The following ETS1 variants were observed in gnomAD, a reference collection of about 807,000 sequenced individuals.
ETS1 encodes the protein protein C-ets-1.
Under a neutral mutation model 58.6 loss-of-function variants are expected in ETS1, and 15 were observed. That is an observed-to-expected ratio of 0.26 (90% CI 0.17 to 0.39). The LOEUF (loss-of-function observed/expected upper bound fraction) is 0.39. Among genes scored for constraint, ETS1 ranks in the 10% least tolerant of loss-of-function variants. The pLI is 1.00. For synonymous variants in ETS1, 214 were observed against 218.2 expected (o/e 0.98, Z 0.17); for missense variants, 417 against 610.5 (o/e 0.68, Z 3.34).
intron 4 of ETS1, among the ~76,000 whole-genome samples, chr11:128,489,836 C>T (rs1455993124): frequency 1.3e-5 from 2 of 152,160 alleles, no homozygotes; most frequent in Admixed American, 6.5e-5. Flanking sequence ...GAACAAATGG[C>T]TTCTTTAATA....
At chr11:128,478,075 T>G (rs1862372054) in intron 8 of ETS1, among the ~76,000 whole-genome samples, 1 of 152,134 alleles carries the variant, frequency 6.6e-6, no homozygotes, top group Non-Finnish European at 1.5e-5. Flanking sequence ...TGAGATAGTA[T>G]GAAAAGTGAA....
intron 3 of ETS1, among the ~76,000 whole-genome samples, chr11:128,512,224 C>T (rs1863410565): frequency 6.6e-6 from 1 of 152,182 alleles, no homozygotes; most frequent in Non-Finnish European, 1.5e-5. Flanking sequence ...TAATGCTTCA[C>T]TATTGGGGCG....
intron 3 of ETS1, among the ~76,000 whole-genome samples, chr11:128,500,257 A>G (rs1485043664): frequency 6.6e-6 from 1 of 152,346 alleles, no homozygotes; most frequent in Non-Finnish European, 1.5e-5. Flanking sequence ...GGAAAATTGT[A>G]AACCAGAACA....
rs762569166 is a variant in ETS1 at position 128,489,489 on chromosome 11, G to A, written c.336C>T (p.Asp112=). Reference sequence around the variant, plus strand: ...CATGGGTTTCTGTCCACTGCCGGGGGTCTGAGGAAAGAGATCAGATGAAGA... The same window carrying A: ...CATGGGTTTCTGTCCACTGCCGGGGATCTGAGGAAAGAGATCAGATGAAGA... The part of the protein sequence containing the change: ...KEQQRLGIPK[D]PRQWTETHVR... Residue 112 remains aspartate, a splice_region_variant and synonymous_variant, in exon 5 of 10, where the codon GAC becomes GAT. Transcript: ENST00000392668. 1.1e-5 allele frequency: 18 copies of A among 1,613,332 alleles called. No individual in the cohort carries two copies. The highest frequency in any genetic ancestry group is 6.6e-5 in the South Asian group (6 of 91,058).
chr11:128,499,656 C>A (rs899142063), intron 3 of ETS1, among the ~76,000 whole-genome samples: 1 of 152,194 alleles, frequency 6.6e-6, no homozygotes, highest in East Asian at 1.9e-4. Context: ...CCAACATTTT[C>A]ATTCTAGAAA....
chr11:128,469,643 C>T (rs1862131783), intron 8 of ETS1, among the ~76,000 whole-genome samples: 1 of 152,206 alleles, frequency 6.6e-6, no homozygotes, highest in Non-Finnish European at 1.5e-5. Flanking sequence ...TTCTTGGCCT[C>T]TGGACCAAGC....
At chr11:128,571,395 T>TGACAGAGCGAGACTCCGTCCGGCCTGGGC (rs1864625400) in intron 2 of ETS1, among the ~76,000 whole-genome samples, 3 of 139,248 alleles carry the variant, frequency 2.2e-5, no homozygotes, top group African/African-American at 8.9e-5. Context: ...CCAGCCTGGG[T>TGACAGAGCGAGACTCCGTCCGGCCTGGGC]GACAGAGCGA....
At chr11:128,476,230 A>G (rs79219385) in intron 8 of ETS1, among the ~76,000 whole-genome samples, 1 of 152,352 alleles carries the variant, frequency 6.6e-6, no homozygotes, top group Admixed American at 6.5e-5. Flanking sequence ...ATGAAGTTCA[A>G]TAAAGGTGAT....
Position 128,464,901 on chromosome 11 carries a change from C to G in ETS1, c.1124-1274G>C, listed in dbSNP as rs527317615. Among the ~76,000 whole-genome samples, 6 of 152,344 alleles carry G rather than the reference C, an allele frequency of 3.9e-5. No individual in the cohort carries two copies. The highest frequency in any genetic ancestry group is 7.4e-5 in the Non-Finnish European group (5 of 68,020). ...GCTCCTAAAATCCACACCCAACCCT[C>G]TGCTGTAAGGAGAGGCACAAGTGGT... On this transcript the variant is annotated intron_variant, in intron 8 of 9. Coordinates refer to ENST00000392668, the MANE Select transcript of ETS1 (RefSeq NM_001143820.2). The surrounding 1 kb of genome is among the most constrained non-coding windows in gnomAD (Gnocchi z 4.1).
chr11:128,480,231 G>A lies in ETS1; in HGVS notation c.1083C>T (p.Asp361=). Residue 361 remains aspartate (D), a synonymous_variant, in exon 8 of 10, where the codon GAC becomes GAT. Coordinates refer to ENST00000392668, the MANE Select transcript of ETS1 (RefSeq NM_001143820.2). The part of the protein sequence containing the change: ...YVRDRADLNK[D]KPVIPAAALA... The stretch of plus-strand genomic sequence containing the variant: ...GGGCAGCAGCAGGAATGACAGGCTT[G>A]TCCTTATTGAGGTCAGCACGGTCCC... 3 of 1,613,982 alleles carry A rather than the reference G, an allele frequency of 1.9e-6. No individual in the cohort carries two copies. The highest frequency in any genetic ancestry group is 2.5e-6 in the Non-Finnish European group (3 of 1,180,000).
chr11:128,543,978 AC>A (rs1864093901), intron 3 of ETS1, among the ~76,000 whole-genome samples: 2 of 152,124 alleles, frequency 1.3e-5, no homozygotes, highest in South Asian at 4.1e-4. Flanking sequence ...TTAAGTCTAC[AC>A]TTGTATTTAA....
At chr11:128,556,189 G>T in intron 3 of ETS1, 102 bp downstream of exon 3, 2 of 1,036,156 alleles carry the variant, frequency 1.9e-6, no homozygotes, top group Non-Finnish European at 2.8e-6. Context: ...ATCTGTACCC[G>T]CATAAGCCAT....
chr11:128,577,651 G>T (rs1363633217), intron 1 of ETS1, among the ~76,000 whole-genome samples: 1 of 152,148 alleles, frequency 6.6e-6, no homozygotes, highest in African/African-American at 2.4e-5. Context: ...GCTGCTAATT[G>T]GCCAAGCTGA....
intron 8 of ETS1, among the ~76,000 whole-genome samples, chr11:128,472,049 C>T (rs1862200883): frequency 6.6e-6 from 1 of 152,200 alleles, no homozygotes; most frequent in Non-Finnish European, 1.5e-5. Flanking sequence ...TCAAACGTAG[C>T]CAGAGTGTGT....
At chr11:128,548,847 C>T (rs1466824086) in intron 3 of ETS1, among the ~76,000 whole-genome samples, 1 of 152,282 alleles carries the variant, frequency 6.6e-6, no homozygotes, top group Non-Finnish European at 1.5e-5. Context: ...TGTTTTATTT[C>T]AGCAGGGGAA....
At chr11:128,579,768 C>T (rs1348388238) in intron 1 of ETS1, among the ~76,000 whole-genome samples, 1 of 151,960 alleles carries the variant, frequency 6.6e-6, no homozygotes, top group African/African-American at 2.4e-5. Context: ...CCTGGGCTAC[C>T]AAGGCAACAT....
Position 128,462,480 on chromosome 11 carries a change from G to A in ETS1, c.1339C>T (p.His447Tyr). 6.2e-7 allele frequency: 1 copy of A among 1,614,148 alleles called. No individual in the cohort carries two copies. The highest frequency in any genetic ancestry group is 8.5e-7 in the Non-Finnish European group (1 of 1,180,008). Residue 447 changes from histidine (H) to tyrosine (Y), a missense_variant, in exon 10 of 10, where the codon CAC (histidine) becomes TAC (tyrosine). Transcript: ENST00000392668. ...ACGTAGCGTTTCCCCGCTGTCTTGTGGATGATGTTTTTGTCGTAATAGTAG... is the reference window on the plus strand; with the variant it reads ...ACGTAGCGTTTCCCCGCTGTCTTGTAGATGATGTTTTTGTCGTAATAGTAG... Reference protein sequence around the residue: ...LRYYYDKNIIHKTAGKRYVYR... With the variant: ...LRYYYDKNIIYKTAGKRYVYR...
rs188454122 is a variant in ETS1, at chr11:128,498,573, G to A, written c.215-7997C>T. ...TAAGATGCCTTTTGGTTGCAAAAAC[G>A]TCCTAAGAGTTCCACTTTAGAATCA... On this transcript the variant is annotated intron_variant, in intron 3 of 9. Transcript: ENST00000392668. 8.5e-5 allele frequency among the ~76,000 whole-genome samples: 13 copies of A among 152,256 alleles called. No individual in the cohort carries two copies. In the East Asian group the frequency reaches 2.1e-3, roughly 25 times the overall value.
At chr11:128,497,707 C>A in intron 3 of ETS1, 1 of 324,960 alleles carries the variant, frequency 3.1e-6, no homozygotes. Context: ...GGCATGTTCC[C>A]AAATTCGTTC....
Sources: gnomAD v4.1 joint callset for allele counts (sites outside exome capture counted in the v4.1 genomes callset) on GRCh38, gnomAD v4.1.1 for gene constraint, Gnocchi (gnomAD v3.1) non-coding constraint, MANE v1.5 for transcripts, NCBI Gene and HGNC (gene_info 2026-07-23, HGNC 2026-07-21) for gene names.